Variants in BCL6 observed in about 807,000 individuals in gnomAD.
The protein encoded by BCL6 is B-cell lymphoma 6 protein.
A neutral mutation model predicts 59.5 loss-of-function variants in BCL6; 7 were observed. The ratio of observed to expected loss-of-function variants is 0.12; its 90% CI spans 0.07 to 0.22. The LOEUF (loss-of-function observed/expected upper bound fraction) is 0.22. BCL6 is among the 10% of genes least tolerant of loss of function. BCL6 has a pLI of 1.00. For missense variants in BCL6, 685 were observed against 939.4 expected (o/e 0.73, Z 3.54); for synonymous variants, 339 against 349.7 (o/e 0.97, Z 0.34).
chr3:187,744,991 T>A, intron 1 of BCL6, among the ~76,000 whole-genome samples: 1 of 151,436 alleles, frequency 6.6e-6, no homozygotes, highest in East Asian at 1.9e-4. Flanking sequence ...AAGCACTGTC[T>A]CGTCCTCTCT....
chr3:187,729,417 T>G lies in BCL6; in HGVS notation c.988A>C (p.Ser330Arg). Residue 330 changes from serine to arginine, a missense_variant, in exon 5 of 10, where the codon AGT (serine) becomes CGT (arginine). Ser to Arg is a moderately radical substitution (Grantham distance 110). Coordinates refer to ENST00000406870, the MANE Select transcript of BCL6 (RefSeq NM_001706.5). This position sits in a 1 kb window ranked among gnomAD's most constrained non-coding sequence, Gnocchi z 5.6. ...TCAGATTTCTGGGGGCTCTGTGGAC[T>G]AACCAGACCCTTCCGGTTCAGGGGT... ...NAPLNRKGLVSPQSPQKSDCQ... is the reference protein window; with the variant it reads ...NAPLNRKGLVRPQSPQKSDCQ... The G allele has an allele frequency of 6.2e-7, 1 of 1,611,076 alleles. No homozygotes were observed. The highest frequency in any genetic ancestry group is 8.5e-7 in the Non-Finnish European group (1 of 1,178,328).
intron 1 of BCL6, among the ~76,000 whole-genome samples, chr3:187,744,561 T>A: frequency 6.6e-6 from 1 of 152,180 alleles, no homozygotes; most frequent in African/African-American, 2.4e-5. Flanking sequence ...CTTCATCTCA[T>A]CTGGATTTAT....
intron 3 of BCL6, 80 bp downstream of exon 3, chr3:187,733,453 C>A: frequency 1.3e-6 from 2 of 1,514,354 alleles, no homozygotes; most frequent in South Asian, 1.2e-5. Context: ...CAGTAAAAGG[C>A]CCACATGTTC....
In BCL6 at chr3:187,722,267, G is replaced by C. The variant is rs527243557; in HGVS notation, c.*191C>G. ...GATTTTCTTAATGTTTTATGGCAGT[G>C]GGGGAGGGGGAGCTGCTGCGGCTCC... On this transcript the variant is annotated 3_prime_UTR_variant, in exon 10 of 10. Coordinates refer to ENST00000406870, the MANE Select transcript of BCL6 (RefSeq NM_001706.5). 1.8e-6 allele frequency: 1 copy of C among 568,544 alleles called. No homozygotes were observed. The highest frequency in any genetic ancestry group is 2.9e-6 in the Non-Finnish European group (1 of 350,812). 35.2% of individuals were successfully genotyped at this position (568,544 alleles called of 1,614,324 possible). A position where few individuals can be genotyped will look rare whatever the true frequency, so the allele number is the denominator to read the frequency against.
chr3:187,735,457 T>A (rs1579821653), intron 1 of BCL6, among the ~76,000 whole-genome samples: 1 of 152,252 alleles, frequency 6.6e-6, no homozygotes, highest in Non-Finnish European at 1.5e-5. Context: ...AGCTAGGCAG[T>A]ATTTCCTGCC....
intron 1 of BCL6, among the ~76,000 whole-genome samples, chr3:187,744,141 A>G (rs1228397053): frequency 2.6e-5 from 4 of 152,220 alleles, no homozygotes; most frequent in East Asian, 3.9e-4. Flanking sequence ...ATAAAATAAA[A>G]TTTAGGAAAG....
chr3:187,721,756 C>T lies in BCL6; in HGVS notation c.*702G>A. The T allele has an allele frequency of 4.3e-6, 1 of 231,222 alleles. No individual in the cohort carries two copies. Among genetic ancestry groups the T allele is most frequent in the East Asian group, 6.2e-5 (1 of 16,162 alleles). The allele number at this position is 231,222 out of a possible 1,614,324, so 14.3% of individuals were successfully genotyped here. ...ACACTTTGTAAATTGTAAACCTTCA[C>T]TTGCAAAAAAATACAAATACACTGA... On this transcript the variant is annotated 3_prime_UTR_variant, in exon 10 of 10. Coordinates refer to ENST00000406870, the MANE Select transcript of BCL6 (RefSeq NM_001706.5). This position sits in a 1 kb window ranked among gnomAD's most constrained non-coding sequence, Gnocchi z 4.2.
chr3:187,739,854 A>T (rs1711528554), intron 1 of BCL6, among the ~76,000 whole-genome samples: 1 of 152,136 alleles, frequency 6.6e-6, no homozygotes, highest in African/African-American at 2.4e-5. Flanking sequence ...TAAAAATCCG[A>T]TCTGGAAAGA....
chr3:187,738,499 A>G (rs73045364), intron 1 of BCL6, among the ~76,000 whole-genome samples: 1,818 of 152,348 alleles, frequency 0.012, 43 homozygotes, highest in African/African-American at 0.041. Flanking sequence ...CCGAAACCGT[A>G]GAGACACAGC....
intron 1 of BCL6, chr3:187,737,316 A>AT (rs1202504592): frequency 2.0e-5 from 3 of 149,924 alleles, no homozygotes; most frequent in Non-Finnish European, 4.4e-5. Flanking sequence ...AAAAAAAAAA[A>AT]GCAAAGAGAG....
chr3:187,728,214 C>T (rs910793628), intron 6 of BCL6, 146 bp downstream of exon 6: 56 of 856,934 alleles, frequency 6.5e-5, no homozygotes, highest in Non-Finnish European at 9.3e-5. Flanking sequence ...GTGGGATGAA[C>T]GGCTGGTGAC....
chr3:187,743,983 T>C (rs1711737213), intron 1 of BCL6, among the ~76,000 whole-genome samples: 2 of 152,232 alleles, frequency 1.3e-5, no homozygotes, highest in Non-Finnish European at 2.9e-5. Context: ...CCTTCTCTCC[T>C]CCTGAGTCTT....
Position 187,729,069 on chromosome 3 carries a change from G to A in BCL6, c.1336C>T (p.Leu446Phe). 6.5e-7 allele frequency: 1 copy of A among 1,527,630 alleles called. No homozygotes were observed. 94.6% of individuals were successfully genotyped at this position (1,527,630 alleles called of 1,614,324 possible). ...AATCACCTGTTAACGATGTTATTGA[G>A]CCGGCTGGCTTGTGGGATGGTGGAG... ...EDSTIPQASR[L>F]NNIVNRSMTG... The change falls in exon 5 of 10, where the codon CTC becomes TTC. Residue 446 changes from leucine (L) to phenylalanine (F), a missense_variant. Physicochemically the swap from Leu to Phe is conservative, Grantham distance 22. Coordinates refer to ENST00000406870, the MANE Select transcript of BCL6 (RefSeq NM_001706.5). This position sits in a 1 kb window ranked among gnomAD's most constrained non-coding sequence, Gnocchi z 5.6.
chr3:187,744,520 A>T (rs1711787705), intron 1 of BCL6, among the ~76,000 whole-genome samples: 1 of 152,314 alleles, frequency 6.6e-6, no homozygotes, highest in African/African-American at 2.4e-5. Flanking sequence ...TAGGAAGATC[A>T]CGGCTCTGAA....
At chr3:187,741,622 C>T (rs901501947) in intron 1 of BCL6, among the ~76,000 whole-genome samples, 12 of 152,188 alleles carry the variant, frequency 7.9e-5, no homozygotes, top group South Asian at 4.1e-4. Context: ...TCTGCCACCA[C>T]GCTGCACCCT....
At chr3:187,730,928 G>A (rs1719008986) in intron 4 of BCL6, among the ~76,000 whole-genome samples, 1 of 152,234 alleles carries the variant, frequency 6.6e-6, no homozygotes. Flanking sequence ...GGAACACTGA[G>A]TTCCTGGCTC....
intron 1 of BCL6, among the ~76,000 whole-genome samples, chr3:187,744,839 A>T (rs529590099): frequency 1.3e-5 from 2 of 152,256 alleles, no homozygotes; most frequent in African/African-American, 4.8e-5. Flanking sequence ...CAAGCGAGAA[A>T]AGAGGGAAAA....
chr3:187,731,811 C>T lies in BCL6; in HGVS notation c.281G>A (p.Arg94Gln), dbSNP rs768771889. Residue 94 changes from arginine (R) to glutamine (Q), a missense_variant, in exon 4 of 10, where the codon CGG (arginine) becomes CAG (glutamine). Arg to Gln is a conservative substitution (Grantham distance 43). Around this residue, in one of 7 missense-constraint regions of BCL6, gnomAD observed 102 missense variants for 176.6 expected, o/e 0.58. Coordinates refer to ENST00000406870, the MANE Select transcript of BCL6 (RefSeq NM_001706.5). ...CILLDFMYTS[R>Q]LNLREGNIMA... Reference sequence around the variant, plus strand: ...GATGTTGCCCTCCCGCAAATTGAGCCGAGATGTGTACATGAAGTCCAGGAG... The same window carrying T: ...GATGTTGCCCTCCCGCAAATTGAGCTGAGATGTGTACATGAAGTCCAGGAG... 27 of 1,613,962 alleles carry T rather than the reference C, an allele frequency of 1.7e-5. No individual in the cohort carries two copies. Among genetic ancestry groups the T allele is most frequent in the Non-Finnish European group, 2.0e-5 (24 of 1,180,036 alleles).
intron 1 of BCL6, among the ~76,000 whole-genome samples, chr3:187,744,753 G>A (rs576209424): frequency 3.3e-5 from 5 of 152,218 alleles, no homozygotes; most frequent in South Asian, 2.1e-4. Flanking sequence ...CAGGGGAAGG[G>A]AAGGAAGAAG....
Sources: gnomAD v4.1 joint callset for allele counts (sites outside exome capture counted in the v4.1 genomes callset) on GRCh38, gnomAD v4.1.1 for gene constraint, gnomAD v4.1.1 regional missense constraint, Gnocchi (gnomAD v3.1) non-coding constraint, MANE v1.5 for transcripts, NCBI Gene and HGNC (gene_info 2026-07-23, HGNC 2026-07-21) for gene names.